Variants in PDLIM7 observed in about 807,000 individuals in gnomAD.
The protein encoded by PDLIM7 is PDZ and LIM domain 7.
PDLIM7 carries 37 observed loss-of-function variants against 53.9 expected under a neutral mutation model. That is an observed-to-expected ratio of 0.69 (90% confidence interval 0.53 to 0.90). The LOEUF (loss-of-function observed/expected upper bound fraction) is 0.90. Among genes scored for constraint, PDLIM7 ranks in the 40% least tolerant of loss-of-function variants. The pLI is 0.00. For missense variants in PDLIM7, 617 were observed against 638.5 expected (o/e 0.97, Z 0.36); for synonymous variants, 300 against 261.3 (o/e 1.15, Z -1.43).
chr5:177,493,369 A>G (rs1758902965), intron 2 of PDLIM7, among the ~76,000 whole-genome samples: 1 of 152,194 alleles, frequency 6.6e-6, no homozygotes, highest in South Asian at 2.1e-4. Flanking sequence ...CCTGACCCCA[A>G]TCCTTCAGGC....
intron 10 of PDLIM7, among the ~76,000 whole-genome samples, chr5:177,485,595 G>C (rs959478139): frequency 1.3e-5 from 2 of 152,226 alleles, no homozygotes; most frequent in African/African-American, 4.8e-5. Context: ...GGGCCAAGTG[G>C]GGACTGTGTC....
At chr5:177,490,230 A>C in intron 7 of PDLIM7, 1 of 1,448,600 alleles carries the variant, frequency 6.9e-7, no homozygotes, top group Non-Finnish European at 9.0e-7. Flanking sequence ...CAAAGATAGA[A>C]GACAGGCAGA....
chr5:177,483,800 G>T, intron 12 of PDLIM7, 67 bp downstream of exon 12: 1 of 1,581,614 alleles, frequency 6.3e-7, no homozygotes, highest in South Asian at 1.1e-5. Context: ...AACTTCTCCT[G>T]CATCTCCTGG....
At chr5:177,487,542 G>A (rs997833828) in intron 10 of PDLIM7, among the ~76,000 whole-genome samples, 7 of 152,250 alleles carry the variant, frequency 4.6e-5, no homozygotes, top group East Asian at 1.9e-4. Context: ...GCAACAAGGC[G>A]GAGCCTGGGT....
chr5:177,496,337 T>G (rs920496471), intron 2 of PDLIM7, 80 bp downstream of exon 2: 11 of 1,097,968 alleles, frequency 1.0e-5, no homozygotes, highest in African/African-American at 1.6e-5. Context: ...CAGCTCCTGT[T>G]AGGACTCCCC....
chr5:177,495,706 C>A (rs1416583080), intron 2 of PDLIM7, among the ~76,000 whole-genome samples: 6 of 152,130 alleles, frequency 3.9e-5, no homozygotes, highest in African/African-American at 1.2e-4. Context: ...TAAGGCAATC[C>A]CCCTGCTACA....
chr5:177,484,639 T>C (rs1024064151), intron 10 of PDLIM7, among the ~76,000 whole-genome samples: 3 of 152,196 alleles, frequency 2.0e-5, no homozygotes, highest in Non-Finnish European at 4.4e-5. Flanking sequence ...ACATAACAAC[T>C]GGCCTACAAG....
At chr5:177,489,998 A>G (rs765706055) in intron 7 of PDLIM7, 166 bp from the exon 8 acceptor site, 1 of 1,535,070 alleles carries the variant, frequency 6.5e-7, no homozygotes, top group Non-Finnish European at 8.7e-7. Flanking sequence ...AGCTTCTCCT[A>G]GCAATGTCCA....
rs1441358367 is a variant in PDLIM7 at position 177,488,085 on chromosome 5, T to G, written c.1033A>C (p.Lys345Gln). Residue 345 changes from lysine (K) to glutamine (Q), a missense_variant, in exon 10 of 13, where the codon AAG (lysine) becomes CAG (glutamine). Transcript: ENST00000355841. Reference protein sequence around the residue: ...VRYAPSCAKCKKKITGEIMHA... With the variant: ...VRYAPSCAKCQKKITGEIMHA... ...CTACTCACGCCTGTAATCTTCTTCT[T>G]GCACTTGGCACAGCTGGGTGCATAG... 8.1e-6 allele frequency: 13 copies of G among 1,602,534 alleles called. No individual in the cohort carries two copies. In the East Asian group the frequency reaches 2.9e-4, roughly 36 times the overall value.
chr5:177,483,953 G>A lies in PDLIM7; in HGVS notation c.1201C>T (p.His401Tyr). ...DYEKMFGTKC[H>Y]GCDFKIDAGD... ...GCGTCGATCTTGAAGTCACAGCCAT[G>A]GCATTTCGTGCCAAACATCTTCTCA... The change falls in exon 12 of 13, where the codon CAT becomes TAT. Residue 401 changes from histidine (H) to tyrosine (Y), a missense_variant. By Grantham distance (83) the His-to-Tyr change is moderately conservative. Coordinates refer to ENST00000355841, the MANE Select transcript of PDLIM7 (RefSeq NM_005451.5). The A allele has an allele frequency of 6.2e-6, 10 of 1,613,960 alleles. No homozygotes were observed. The highest frequency in any genetic ancestry group is 6.8e-6 in the Non-Finnish European group (8 of 1,179,976).
chr5:177,490,722 G>A (rs1758717105), intron 7 of PDLIM7, 148 bp downstream of exon 7: 2 of 459,504 alleles, frequency 4.4e-6, no homozygotes, highest in Non-Finnish European at 8.0e-6. Context: ...GGGAAGGAAG[G>A]AAGGAAGGAA....
chr5:177,491,434 A>AAG, intron 5 of PDLIM7: 1 of 1,547,770 alleles, frequency 6.5e-7, no homozygotes, highest in Non-Finnish European at 8.7e-7. Flanking sequence ...TGAAGGAAAT[A>AAG]AGACAGACAG....
intron 7 of PDLIM7, chr5:177,490,642 G>A (rs775964137): frequency 4.7e-5 from 62 of 1,320,754 alleles, no homozygotes; most frequent in South Asian, 1.5e-4. Flanking sequence ...AGGAGAGATG[G>A]AAGGGAGGCA....
intron 10 of PDLIM7, among the ~76,000 whole-genome samples, chr5:177,485,229 C>G (rs533076244): frequency 2.6e-3 from 396 of 152,382 alleles, no homozygotes; most frequent in Non-Finnish European, 4.1e-3. Flanking sequence ...GTTAGCTGAT[C>G]TATCCCCACA....
At chr5:177,495,792 C>T (rs966989956) in intron 2 of PDLIM7, among the ~76,000 whole-genome samples, 9 of 152,000 alleles carry the variant, frequency 5.9e-5, no homozygotes, top group Non-Finnish European at 1.2e-4. Flanking sequence ...TAGAATGGAG[C>T]CCTGTCCTAC....
intron 2 of PDLIM7, chr5:177,492,910 TCTCC>T: frequency 1.8e-6 from 1 of 546,648 alleles, no homozygotes; most frequent in Non-Finnish European, 3.3e-6. Flanking sequence ...TGCCAGACCC[TCTCC>T]CTCAGGTGGT....
At position 177,491,047 on chromosome 5, in the gene PDLIM7, GGAACGCGACTGGCCT is replaced by G. The variant is rs1390000818; in HGVS notation, c.483_497del (p.Gly162_Ser166del). 6.2e-7 allele frequency: 1 copy of G among 1,612,654 alleles called. No individual in the cohort carries two copies. Among genetic ancestry groups the G allele is most frequent in the South Asian group, 1.1e-5 (1 of 90,876 alleles). On this transcript the variant is annotated inframe_deletion, in exon 6 of 13. Coordinates refer to ENST00000355841, the MANE Select transcript of PDLIM7 (RefSeq NM_005451.5). ...CTGTGAGGTGGGCAAGGATGCGGAA[GGAACGCGACTGGCCT>G]GTCCCCGGCCGCGGCCGCCAGTCCT...
At chr5:177,494,252 C>T (rs534785981) in intron 2 of PDLIM7, among the ~76,000 whole-genome samples, 1 of 152,368 alleles carries the variant, frequency 6.6e-6, no homozygotes, top group African/African-American at 2.4e-5. Context: ...CAGGAAGTGT[C>T]TCTGACCCTA....
At chr5:177,484,349 G>C in intron 10 of PDLIM7, 159 bp from the exon 11 acceptor site, 1 of 816,556 alleles carries the variant, frequency 1.2e-6, no homozygotes, top group Non-Finnish European at 1.9e-6. Flanking sequence ...CAACTCCAAG[G>C]TCTCTGAGTG....
Sources: allele counts gnomAD v4.1 joint callset (sites outside exome capture counted in the v4.1 genomes callset), GRCh38; gene constraint gnomAD v4.1.1; transcripts MANE v1.5; gene names NCBI Gene and HGNC (gene_info 2026-07-23, HGNC 2026-07-21).